The following RANBP3 variants were observed in gnomAD, a reference collection of about 807,000 sequenced individuals.
The protein encoded by RANBP3 is ran-binding protein 3.
A neutral mutation model predicts 77.3 loss-of-function variants in RANBP3; 14 were observed. The observed-to-expected ratio is 0.18, with a 90% CI of 0.12 to 0.28. RANBP3 has a LOEUF of 0.28. Among genes scored for constraint, RANBP3 ranks in the 10% least tolerant of loss-of-function variants. The pLI, the probability that RANBP3 is intolerant of heterozygous loss-of-function variation, is 1.00. For missense variants in RANBP3, 586 were observed against 752.3 expected (o/e 0.78, Z 2.59); for synonymous variants, 315 against 312.4 (o/e 1.01, Z -0.09).
intron 7 of RANBP3, among the ~76,000 whole-genome samples, chr19:5,932,036 AAAATAAAT>A (rs375270559): frequency 1.3e-5 from 2 of 151,958 alleles, no homozygotes; most frequent in African/African-American, 4.8e-5. Flanking sequence ...CCCCATCTCC[AAAATAAAT>A]AAATAAATAA....
intron 1 of RANBP3, among the ~76,000 whole-genome samples, chr19:5,975,959 T>C (rs549687517): frequency 9.2e-5 from 14 of 152,084 alleles, no homozygotes; most frequent in African/African-American, 1.9e-4. Flanking sequence ...CAGGGACATA[T>C]TGGGGCCCAC....
intron 5 of RANBP3, among the ~76,000 whole-genome samples, chr19:5,936,772 C>T (rs967573791): frequency 2.4e-4 from 36 of 152,100 alleles, no homozygotes; most frequent in Admixed American, 1.8e-3. Flanking sequence ...TAACCATAGA[C>T]GGTCACCCAC....
intron 1 of RANBP3, among the ~76,000 whole-genome samples, chr19:5,977,686 C>T (rs1160499496): frequency 6.6e-6 from 1 of 152,154 alleles, no homozygotes; most frequent in Non-Finnish European, 1.5e-5. Flanking sequence ...GGGAGCGTGG[C>T]GCGCTCCGGG....
At chr19:5,971,516 A>G (rs1277789162) in intron 1 of RANBP3, among the ~76,000 whole-genome samples, 1 of 152,196 alleles carries the variant, frequency 6.6e-6, no homozygotes, top group Non-Finnish European at 1.5e-5. Flanking sequence ...CACACATCCA[A>G]TAACCTCTGG....
intron 3 of RANBP3, among the ~76,000 whole-genome samples, chr19:5,945,448 T>C (rs2058191912): frequency 6.6e-6 from 1 of 152,170 alleles, no homozygotes; most frequent in South Asian, 2.1e-4. Flanking sequence ...ATTTGAGATG[T>C]GTTTGGTGAC....
chr19:5,954,919 C>T (rs76774936), intron 2 of RANBP3, among the ~76,000 whole-genome samples: 2,169 of 152,222 alleles, frequency 0.014, 53 homozygotes, highest in African/African-American at 0.05. Flanking sequence ...CACTGTCCTC[C>T]GACAGCGAAG....
intron 5 of RANBP3, chr19:5,934,057 G>A (rs1002707953): frequency 2.0e-5 from 3 of 152,282 alleles, no homozygotes; most frequent in African/African-American, 7.2e-5. Context: ...CCACCGTGGA[G>A]GAGGCCAGCT....
At chr19:5,962,318 G>A (rs1230149120) in intron 1 of RANBP3, among the ~76,000 whole-genome samples, 3 of 152,284 alleles carry the variant, frequency 2.0e-5, no homozygotes, top group East Asian at 1.9e-4. Context: ...AGGGAGGGGC[G>A]TGTTTGCACT....
chr19:5,920,951 G>A (rs984186302), intron 14 of RANBP3: 3 of 328,464 alleles, frequency 9.1e-6, no homozygotes, highest in Admixed American at 4.9e-5. Flanking sequence ...AACTTCCATA[G>A]ACTTTTGTCC....
chr19:5,932,731 C>T (rs995764215), intron 6 of RANBP3, 187 bp from the exon 7 acceptor site: 25 of 580,536 alleles, frequency 4.3e-5, no homozygotes, highest in Non-Finnish European at 7.7e-5. Flanking sequence ...GTTATTTTTA[C>T]ATGTGATTAC....
chr19:5,970,282 T>C (rs577889902), intron 1 of RANBP3, among the ~76,000 whole-genome samples: 1 of 152,106 alleles, frequency 6.6e-6, no homozygotes, highest in African/African-American at 2.4e-5. Flanking sequence ...AAATCCCCAA[T>C]AGATTAGATG....
Position 5,917,861 on chromosome 19 carries a change from G to C in RANBP3, c.1593C>G (p.Ala531=), listed in dbSNP as rs771301752. The C allele has an allele frequency of 6.2e-7, 1 of 1,612,640 alleles. No homozygotes were observed. The highest frequency in any genetic ancestry group is 1.3e-5 in the African/African-American group (1 of 74,932). Reference sequence around the variant, plus strand: ...CGCTGTCGTCCTCCTCGTTGGATGGGGCTGCCCCAGGCTCAGGCGCGGGCA... The same window carrying C: ...CGCTGTCGTCCTCCTCGTTGGATGGCGCTGCCCCAGGCTCAGGCGCGGGCA... ...AKMPAPEPGA[A]PSNEEDDSDD... Residue 531 remains alanine, a synonymous_variant, in exon 16 of 17, where the codon GCC becomes GCG. Transcript: ENST00000340578.
chr19:5,954,199 G>A (rs1176725884), intron 2 of RANBP3, among the ~76,000 whole-genome samples: 1 of 152,100 alleles, frequency 6.6e-6, no homozygotes, highest in East Asian at 1.9e-4. Context: ...GAGACGAAGG[G>A]GCTCTTTTAC....
At chr19:5,960,109 C>A (rs552519960) in intron 1 of RANBP3, among the ~76,000 whole-genome samples, 1 of 152,058 alleles carries the variant, frequency 6.6e-6, no homozygotes. Context: ...CCGAGAGGGG[C>A]CTTGGACCAG....
chr19:5,976,477 G>A (rs1266294418), intron 1 of RANBP3: 1 of 152,212 alleles, frequency 6.6e-6, no homozygotes, highest in African/African-American at 2.4e-5. Flanking sequence ...CGGGTGCGGT[G>A]GCTCACGCCT....
chr19:5,928,103 A>C lies in RANBP3; in HGVS notation c.694-16T>G. On this transcript the variant is annotated splice_polypyrimidine_tract_variant and intron_variant, in intron 8 of 16. Coordinates refer to ENST00000340578, the MANE Select transcript of RANBP3 (RefSeq NM_007322.3). ...GCTCTTTCTCCTATCAAAAACCAAA[A>C]CAAAACAGAGTAATCAAAACCAGTG... The C allele has an allele frequency of 6.2e-7, 1 of 1,605,670 alleles. No individual in the cohort carries two copies. The highest frequency in any genetic ancestry group is 8.5e-7 in the Non-Finnish European group (1 of 1,177,368).
At chr19:5,920,403 C>T (rs1224181478) in intron 14 of RANBP3, among the ~76,000 whole-genome samples, 2 of 152,080 alleles carry the variant, frequency 1.3e-5, no homozygotes, top group Non-Finnish European at 2.9e-5. Context: ...AAAAAAGACA[C>T]GCCCACATTT....
chr19:5,935,543 C>T (rs767645135), intron 5 of RANBP3: 26 of 294,260 alleles, frequency 8.8e-5, no homozygotes, highest in South Asian at 1.5e-4. Flanking sequence ...TGGCTCTCCA[C>T]GCTGATGTTT....
intron 9 of RANBP3, 82 bp from the exon 10 acceptor site, chr19:5,925,819 A>T: frequency 9.1e-7 from 1 of 1,094,502 alleles, no homozygotes; most frequent in Admixed American, 1.8e-5. Flanking sequence ...AGACCCCCTG[A>T]GCTGCATGGA....
Sources: allele counts gnomAD v4.1 joint callset (sites outside exome capture counted in the v4.1 genomes callset), GRCh38; gene constraint gnomAD v4.1.1; transcripts MANE v1.5; gene names NCBI Gene and HGNC (gene_info 2026-07-23, HGNC 2026-07-21).